Variants in CHN2 observed in about 807,000 individuals in gnomAD.
The protein encoded by CHN2 is beta-chimaerin.
Under a neutral mutation model 56.3 loss-of-function variants are expected in CHN2, and 35 were observed. That is an observed-to-expected ratio of 0.62 (90% CI 0.47 to 0.82). CHN2 has a LOEUF of 0.82. Among genes scored for constraint, CHN2 ranks in the 40% least tolerant of loss-of-function variants. CHN2 has a pLI of 0.00. For missense variants in CHN2, 491 were observed against 580.5 expected (o/e 0.85, Z 1.58); for synonymous variants, 210 against 212.8 (o/e 0.99, Z 0.12).
At position 29,426,959 on chromosome 7, in the gene CHN2, A is replaced by G. The variant is rs553392415; in HGVS notation, c.576+26131A>G. 6.6e-5 allele frequency among the ~76,000 whole-genome samples: 10 copies of G among 151,932 alleles called. No individual in the cohort carries two copies. In the South Asian group the frequency reaches 1.5e-3, roughly 22 times the overall value. ...TCTGCCAGTGTCAAGTCTTTTTCAC[A>G]CTCTTAATCTCTCTGACTTCTCCTT... On this transcript the variant is annotated intron_variant, in intron 6 of 12. Coordinates refer to ENST00000222792, the MANE Select transcript of CHN2 (RefSeq NM_004067.4).
chr7:29,274,117 T>C lies in CHN2; in HGVS notation c.49+79127T>C, dbSNP rs150723451. 1.3e-4 allele frequency among the ~76,000 whole-genome samples: 20 copies of C among 152,358 alleles called. No individual in the cohort carries two copies. In the East Asian group the frequency reaches 3.9e-3, roughly 29 times the overall value. On this transcript the variant is annotated intron_variant, in intron 1 of 12. Transcript: ENST00000222792. Reference sequence around the variant, plus strand: ...ATAATCCTTTTCATGGCTTTTGGCATTTGAATAGTGCTTACGAACATTCGG... The same window carrying C: ...ATAATCCTTTTCATGGCTTTTGGCACTTGAATAGTGCTTACGAACATTCGG...
In CHN2 at chr7:29,499,875, T is replaced by C. The variant is rs769851851; in HGVS notation, c.748T>C (p.Leu250=). 92 of 1,591,596 alleles carry C rather than the reference T, an allele frequency of 5.8e-5. No individual in the cohort carries two copies. The highest frequency in any genetic ancestry group is 6.7e-5 in the Non-Finnish European group (79 of 1,171,336). Reference sequence around the variant, plus strand: ...GGCTTCTTTGTTTACAGACTGTGGATTGAACGTACACAAACAGTGTTCCAA... The same window carrying C: ...GGCTTCTTTGTTTACAGACTGTGGACTGAACGTACACAAACAGTGTTCCAA... The part of the protein sequence containing the change: ...AQGVRCSDCG[L]NVHKQCSKHV... The change falls in exon 9 of 13, where the codon TTG becomes CTG. Residue 250 remains leucine (L), a synonymous_variant. Transcript: ENST00000222792.
At chr7:29,147,255 C>G in intron 2 of CHN2, 3 of 358,532 alleles carry the variant, frequency 8.4e-6, no homozygotes, top group African/African-American at 6.3e-5. Flanking sequence ...GGAGGGTCAT[C>G]ATTATCAGCA....
At chr7:29,405,182 C>CACACACAG (rs1802540996) in intron 6 of CHN2, among the ~76,000 whole-genome samples, 1 of 83,970 alleles carries the variant, frequency 1.2e-5, no homozygotes, top group Non-Finnish European at 2.3e-5. Flanking sequence ...CACACACACA[C>CACACACAG]ACACACACAC....
intron 1 of CHN2, among the ~76,000 whole-genome samples, chr7:29,333,507 A>G (rs775892362): frequency 3.3e-5 from 5 of 152,208 alleles, no homozygotes; most frequent in Non-Finnish European, 7.3e-5. Context: ...AAAAAGAACT[A>G]CAGATGAAAT....
At chr7:29,457,578 TG>T (rs888236667) in intron 6 of CHN2, among the ~76,000 whole-genome samples, 17 of 152,154 alleles carry the variant, frequency 1.1e-4, no homozygotes, top group African/African-American at 4.1e-4. Context: ...TATACCCACA[TG>T]GGGTATAATT....
intron 2 of CHN2, among the ~76,000 whole-genome samples, chr7:29,367,501 C>T (rs916408077): frequency 1.3e-5 from 2 of 152,182 alleles, no homozygotes; most frequent in Admixed American, 6.5e-5. Flanking sequence ...AATCACACTC[C>T]TCTTAAAATG....
At chr7:29,360,569 A>G (rs537213065) in intron 2 of CHN2, among the ~76,000 whole-genome samples, 56 of 152,354 alleles carry the variant, frequency 3.7e-4, no homozygotes, top group African/African-American at 1.3e-3. Context: ...AGGCCTTCCC[A>G]TGGCAGGGTG....
chr7:29,448,936 A>G (rs908306716), intron 6 of CHN2, among the ~76,000 whole-genome samples: 1 of 152,228 alleles, frequency 6.6e-6, no homozygotes, highest in African/African-American at 2.4e-5. Flanking sequence ...CATGGTCCAT[A>G]CTAAATGTGT....
chr7:29,364,523 G>A (rs1489149958), intron 2 of CHN2, among the ~76,000 whole-genome samples: 2 of 152,186 alleles, frequency 1.3e-5, no homozygotes, highest in Non-Finnish European at 2.9e-5. Flanking sequence ...TTAGGAGATG[G>A]CCATTGCATG....
chr7:29,169,204 T>A (rs35716437), intron 2 of CHN2, among the ~76,000 whole-genome samples: 27,540 of 152,164 alleles, frequency 0.18, 3,056 homozygotes, highest in African/African-American at 0.3. Flanking sequence ...AAAGGCATGT[T>A]ACTCAAAATA....
intron 1 of CHN2, among the ~76,000 whole-genome samples, chr7:29,266,446 G>A (rs896888472): frequency 2.6e-5 from 4 of 152,158 alleles, no homozygotes; most frequent in Non-Finnish European, 4.4e-5. Context: ...AGCTTTTGTC[G>A]GTCAATTACA....
intron 12 of CHN2, among the ~76,000 whole-genome samples, chr7:29,512,051 C>T (rs1791508024): frequency 6.6e-6 from 1 of 152,122 alleles, no homozygotes; most frequent in Admixed American, 6.5e-5. Flanking sequence ...CGGCCTGACT[C>T]TTCCTCAATT....
chr7:29,451,225 A>G (rs141685267), intron 6 of CHN2, among the ~76,000 whole-genome samples: 5 of 152,350 alleles, frequency 3.3e-5, no homozygotes, highest in Admixed American at 2.6e-4. Context: ...TTTGTCTATT[A>G]TGATGCTGAG....
intron 6 of CHN2, among the ~76,000 whole-genome samples, chr7:29,423,802 T>C (rs572939810): frequency 2.3e-4 from 35 of 152,338 alleles, no homozygotes; most frequent in African/African-American, 7.9e-4. Flanking sequence ...GGAGTTGTCA[T>C]CTCTCTGTGC....
chr7:29,364,123 A>G (rs1000312329), intron 2 of CHN2, among the ~76,000 whole-genome samples: 1 of 152,238 alleles, frequency 6.6e-6, no homozygotes, highest in Non-Finnish European at 1.5e-5. Flanking sequence ...ATCCCTATCC[A>G]GAATGATAAT....
At chr7:29,241,383 C>A (rs1787668681) in intron 1 of CHN2, among the ~76,000 whole-genome samples, 1 of 152,096 alleles carries the variant, frequency 6.6e-6, no homozygotes, top group African/African-American at 2.4e-5. Flanking sequence ...ATCTCAGTTT[C>A]CACATAGAAA....
chr7:29,195,108 G>T, intron 1 of CHN2, 118 bp downstream of exon 1: 2 of 1,096,190 alleles, frequency 1.8e-6, no homozygotes, highest in East Asian at 3.0e-5. Context: ...TCTCGGAATG[G>T]GGGCAGGCGT....
intron 1 of CHN2, among the ~76,000 whole-genome samples, chr7:29,332,296 G>A (rs947423541): frequency 6.6e-6 from 1 of 152,128 alleles, no homozygotes; most frequent in Non-Finnish European, 1.5e-5. Flanking sequence ...ACCCTGTGGG[G>A]TTCTTGGGAG....
Sources: allele counts gnomAD v4.1 joint callset (sites outside exome capture counted in the v4.1 genomes callset), GRCh38; gene constraint gnomAD v4.1.1; transcripts MANE v1.5; gene names NCBI Gene and HGNC (gene_info 2026-07-23, HGNC 2026-07-21).